The following PDK3 variants were observed in gnomAD, a reference collection of about 807,000 sequenced individuals.
The protein encoded by PDK3 is pyruvate dehydrogenase kinase, isozyme 3.
PDK3 carries 12 observed loss-of-function variants against 32.0 expected under a neutral mutation model. That is an observed-to-expected ratio of 0.37 (90% CI 0.24 to 0.61). The LOEUF (loss-of-function observed/expected upper bound fraction) is 0.61. Ranked by LOEUF, PDK3 falls within the 20% of genes least tolerant of loss-of-function variation. PDK3 has a pLI of 0.65. For synonymous variants in PDK3, 122 were observed against 116.3 expected, an observed-to-expected ratio of 1.05 and a Z score of -0.31; for missense variants, 188 against 316.9, an observed-to-expected ratio of 0.59 and a Z score of 3.09.
At chrX:24,520,350 A>G (rs1470940421) in intron 6 of PDK3, among the ~76,000 whole-genome samples, 1 of 112,205 alleles carries the variant, frequency 8.9e-6, no homozygotes, top group Non-Finnish European at 1.9e-5. Flanking sequence ...ATAGAATACT[A>G]TGCAGCCCTT....
chrX:24,520,704 T>C (rs780227821), intron 6 of PDK3, among the ~76,000 whole-genome samples: 197 of 112,506 alleles, frequency 1.8e-3, no homozygotes, highest in African/African-American at 6.1e-3. Context: ...CATGTATAGC[T>C]TTAACCCTAT....
intron 3 of PDK3, 117 bp from the exon 4 acceptor site, chrX:24,503,210 A>T: frequency 2.3e-6 from 1 of 425,737 alleles, no homozygotes; most frequent in Non-Finnish European, 3.8e-6. Flanking sequence ...TAGTAAGAAT[A>T]ATGTCTCTAC....
chrX:24,514,966 C>G (rs1220046584), intron 5 of PDK3, among the ~76,000 whole-genome samples: 1 of 111,709 alleles, frequency 9.0e-6, no homozygotes, highest in East Asian at 2.8e-4. Context: ...GTCTAGGCCT[C>G]TAGTTCCCAG....
chrX:24,514,303 G>C (rs751135977), intron 5 of PDK3, among the ~76,000 whole-genome samples: 16 of 111,729 alleles, frequency 1.4e-4, no homozygotes, highest in African/African-American at 5.2e-4. Context: ...TTTAACCTGG[G>C]GAAGTATGTA....
rs764909872 is a variant in PDK3 at position 24,505,280 on chromosome X, G to A, written c.577G>A (p.Val193Met). 4.2e-6 allele frequency: 5 copies of A among 1,192,097 alleles called. No homozygotes were observed. Among genetic ancestry groups the A allele is most frequent in the African/African-American group, 3.5e-5 (2 of 57,228 alleles). Residue 193 changes from valine to methionine, a missense_variant, in exon 5 of 11, where the codon GTG becomes ATG. Val to Met is a conservative substitution (Grantham distance 21). Coordinates refer to ENST00000379162, the MANE Select transcript of PDK3 (RefSeq NM_005391.5). ...AGGAAGTATCGATCCCACCTGTAAC[G>A]TGGCGGATGTGGTGAAAGGTAAGGA... Reference protein sequence around the residue: ...HIGSIDPTCNVADVVKDAYET... With the variant: ...HIGSIDPTCNMADVVKDAYET...
chrX:24,505,428 C>T, intron 5 of PDK3, 130 bp downstream of exon 5: 1 of 423,621 alleles, frequency 2.4e-6, no homozygotes, highest in Non-Finnish European at 4.1e-6. Context: ...GCCCAAGCCA[C>T]TGGATCCAGA....
chrX:24,489,996 C>T (rs1206832007), intron 1 of PDK3, among the ~76,000 whole-genome samples: 1 of 111,588 alleles, frequency 9.0e-6, no homozygotes. Context: ...GTTCTCAGGG[C>T]TGACCAAGCA....
chrX:24,508,018 G>A (rs1922026102), intron 5 of PDK3, among the ~76,000 whole-genome samples: 1 of 111,385 alleles, frequency 9.0e-6, no homozygotes, highest in Admixed American at 9.6e-5. Context: ...CACGGTAAAT[G>A]TATGAGTCTG....
At chrX:24,538,314 G>T (rs1306481051), downstream of PDK3, among the ~76,000 whole-genome samples, 1 of 112,127 alleles carries the variant, frequency 8.9e-6, no homozygotes, top group African/African-American at 3.2e-5. Flanking sequence ...AGTTAAAATT[G>T]TTAAACTATA....
intron 9 of PDK3, among the ~76,000 whole-genome samples, chrX:24,530,316 G>C (rs1922620788): frequency 8.9e-6 from 1 of 111,739 alleles, no homozygotes; most frequent in Non-Finnish European, 1.9e-5. Flanking sequence ...AGAGATGTTA[G>C]AAAATGGCAG....
At chrX:24,496,817 T>C (rs1341912242) in intron 2 of PDK3, among the ~76,000 whole-genome samples, 1 of 87,522 alleles carries the variant, frequency 1.1e-5, no homozygotes, top group Non-Finnish European at 2.2e-5. Context: ...AGTCTCTCTC[T>C]GTTGCCGAGG....
chrX:24,493,254 T>C (rs2148187744), intron 1 of PDK3, among the ~76,000 whole-genome samples: 1 of 111,612 alleles, frequency 9.0e-6, no homozygotes, highest in South Asian at 3.8e-4. Flanking sequence ...AGGGATGGAT[T>C]ATTTCAGACT....
At chrX:24,531,085 A>T (rs865891996) in intron 9 of PDK3, among the ~76,000 whole-genome samples, 7 of 88,680 alleles carry the variant, frequency 7.9e-5, no homozygotes, top group African/African-American at 3.4e-4. Flanking sequence ...GTGTGTGTGG[A>T]GATGGAGTCT....
chrX:24,512,382 C>G (rs767453510), intron 5 of PDK3, among the ~76,000 whole-genome samples: 1 of 111,930 alleles, frequency 8.9e-6, no homozygotes, highest in South Asian at 3.7e-4. Context: ...ATCCTCAGAG[C>G]GCGTGGCATT....
chrX:24,466,899 A>T (rs955710948), intron 1 of PDK3, among the ~76,000 whole-genome samples: 2 of 111,985 alleles, frequency 1.8e-5, no homozygotes, highest in Admixed American at 9.5e-5. Context: ...TTCCATCTTT[A>T]TGGTTTAGGG....
intron 1 of PDK3, among the ~76,000 whole-genome samples, chrX:24,468,005 C>G (rs1320617262): frequency 8.9e-6 from 1 of 111,874 alleles, no homozygotes; most frequent in Non-Finnish European, 1.9e-5. Flanking sequence ...CCACAGGCTG[C>G]TAGTTTATGA....
At chrX:24,507,205 C>T (rs1360149367) in intron 5 of PDK3, among the ~76,000 whole-genome samples, 1 of 111,451 alleles carries the variant, frequency 9.0e-6, no homozygotes, top group African/African-American at 3.3e-5. Context: ...CACTAATCTA[C>T]TTTCTGACTC....
chrX:24,544,255 A>G (rs1602133967), exon 12 of PDK3, among the ~76,000 whole-genome samples: 1 of 110,904 alleles, frequency 9.0e-6, no homozygotes, highest in Non-Finnish European at 1.9e-5. Context: ...GCCGGGTCCC[A>G]TTGGGAGACA....
At chrX:24,487,158 C>G (rs1035620789) in intron 1 of PDK3, among the ~76,000 whole-genome samples, 4 of 112,659 alleles carry the variant, frequency 3.6e-5, no homozygotes, top group Non-Finnish European at 7.5e-5. Flanking sequence ...CATTCACAAC[C>G]ATTTGGTAGG....
Sources: allele counts gnomAD v4.1 joint callset (sites outside exome capture counted in the v4.1 genomes callset), GRCh38; gene constraint gnomAD v4.1.1; transcripts MANE v1.5; gene names NCBI Gene and HGNC (gene_info 2026-07-23, HGNC 2026-07-21).